Variants in POR observed in about 807,000 individuals in gnomAD.
POR encodes the protein cytochrome p450 oxidoreductase.
In POR, 56 loss-of-function variants were observed where a neutral mutation model predicts 84.0. The ratio of observed to expected loss-of-function variants is 0.67; its 90% CI spans 0.54 to 0.83. POR has a LOEUF of 0.83. Ranked by LOEUF, POR falls within the 40% of genes least tolerant of loss-of-function variation. The pLI is 0.00. For missense variants in POR, 938 were observed against 944.3 expected (o/e 0.99, Z 0.09); for synonymous variants, 414 against 400.5 (o/e 1.03, Z -0.40).
At chr7:75,925,822 C>G (rs1554549410) in intron 1 of POR, among the ~76,000 whole-genome samples, 1 of 152,098 alleles carries the variant, frequency 6.6e-6, no homozygotes, top group Admixed American at 6.6e-5. Flanking sequence ...GTTGTAAATT[C>G]TGTAAGGGCA....
In POR at chr7:75,954,973, G is replaced by A. The variant is rs797036861; in HGVS notation, c.188+793G>A. 3.3e-5 allele frequency among the ~76,000 whole-genome samples: 5 copies of A among 152,242 alleles called. 1 individual carries two copies. Among genetic ancestry groups the A allele is most frequent in the African/African-American group, 1.2e-4 (5 of 41,548 alleles). On this transcript the variant is annotated intron_variant, in intron 2 of 15. Coordinates refer to ENST00000461988, the MANE Select transcript of POR (RefSeq NM_000941.3). Reference sequence around the variant, plus strand: ...TCCGCCCACCTCGGCCTCCCAAAGTGCTGGGATTACAGGTGTGAGCCGTTG... The same window carrying A: ...TCCGCCCACCTCGGCCTCCCAAAGTACTGGGATTACAGGTGTGAGCCGTTG...
chr7:75,952,664 C>T (rs1199666628), intron 1 of POR, among the ~76,000 whole-genome samples: 4 of 149,306 alleles, frequency 2.7e-5, no homozygotes, highest in Non-Finnish European at 4.5e-5. Context: ...CGGGCAGAGG[C>T]GCTCCTCACA....
In POR at chr7:75,980,672, T is replaced by C. The variant is rs781803006; in HGVS notation, c.516+184T>C. The C allele has an allele frequency of 8.5e-6, 13 of 1,535,472 alleles. No homozygotes were observed. The East Asian group carries it at 2.7e-4, about 32-fold the overall frequency. On this transcript the variant is annotated intron_variant, in intron 5 of 15. Coordinates refer to ENST00000461988, the MANE Select transcript of POR (RefSeq NM_000941.3). ...CAGCACTACGAGAATGTCCCCTCCC[T>C]GTCCCCAGCCCCAGTCGGCTCCAGG...
At chr7:75,969,054 G>A (rs1788318491) in intron 2 of POR, among the ~76,000 whole-genome samples, 1 of 152,240 alleles carries the variant, frequency 6.6e-6, no homozygotes, top group African/African-American at 2.4e-5. Flanking sequence ...TCAGCCATAA[G>A]CGTCTGCTCC....
chr7:75,967,722 C>T (rs985403528), intron 2 of POR: 13 of 219,536 alleles, frequency 5.9e-5, no homozygotes, highest in African/African-American at 2.0e-4. Context: ...AGACCCGAGT[C>T]GGGGTTGGAA....
At chr7:75,970,451 C>T (rs1554555979) in intron 2 of POR, among the ~76,000 whole-genome samples, 4 of 151,758 alleles carry the variant, frequency 2.6e-5, no homozygotes, top group Non-Finnish European at 1.5e-5. Context: ...TTCAAGGGAT[C>T]CTCCCACCTC....
At chr7:75,923,068 G>A (rs782097372) in intron 1 of POR, 4 of 689,794 alleles carry the variant, frequency 5.8e-6, no homozygotes, top group East Asian at 2.5e-5. Flanking sequence ...GGTGCGGAGA[G>A]CCATTGCAAG....
At chr7:75,937,847 G>A (rs1807775741) in intron 1 of POR, among the ~76,000 whole-genome samples, 1 of 152,032 alleles carries the variant, frequency 6.6e-6, no homozygotes, top group Non-Finnish European at 1.5e-5. Context: ...GAACTCCTGT[G>A]GAGAGTTTTG....
Position 75,952,821 on chromosome 7 carries a change from G to A in POR, c.-4-1168G>A, listed in dbSNP as rs537111294. 3.7e-3 allele frequency among the ~76,000 whole-genome samples: 554 copies of A among 150,670 alleles called. 3 individuals carry two copies. Among genetic ancestry groups the A allele is most frequent in the African/African-American group, 0.013 (520 of 40,836 alleles). ...GATGGGATGGCGGCCGGGCAGAGAC[G>A]CTCCTCACTTTCCAGACTGGGCAGC... On this transcript the variant is annotated intron_variant, in intron 1 of 15. Coordinates refer to ENST00000461988, the MANE Select transcript of POR (RefSeq NM_000941.3).
At position 75,980,992 on chromosome 7, in the gene POR, C is replaced by T. The variant is rs990692929; in HGVS notation, c.517-56C>T. ...GGCCTCCCGCCCTGCCCCCATGGCC[C>T]CTCCCACTGGTCAGGTCGAGGGCCA... On this transcript the variant is annotated intron_variant, in intron 5 of 15. Coordinates refer to ENST00000461988, the MANE Select transcript of POR (RefSeq NM_000941.3). 9 of 1,499,300 alleles carry T rather than the reference C, an allele frequency of 6.0e-6. No homozygotes were observed. In the Admixed American group the frequency reaches 6.7e-5, roughly 11 times the overall value. The allele number at this position is 1,499,300 out of a possible 1,614,324, so 92.9% of individuals were successfully genotyped here.
intron 1 of POR, among the ~76,000 whole-genome samples, chr7:75,947,666 A>G (rs1787241633): frequency 6.6e-6 from 1 of 152,194 alleles, no homozygotes; most frequent in Non-Finnish European, 1.5e-5. Flanking sequence ...ACGTGTCATA[A>G]TGCATTCACC....
At chr7:75,924,738 A>G (rs1554549258) in intron 1 of POR, among the ~76,000 whole-genome samples, 1 of 152,118 alleles carries the variant, frequency 6.6e-6, no homozygotes, top group East Asian at 1.9e-4. Context: ...AAAATAGAAA[A>G]TTCCCCAAAT....
Position 75,986,467 on chromosome 7 carries a change from G to A in POR, c.2029G>A (p.Asp677Asn), listed in dbSNP as rs1554559519. ...GATGACCAAGGGCCGCTACTCCCTG[G>A]ACGTGTGGAGCTAGGGGCCTGCCTG... The change falls in exon 16 of 16, where the codon GAC (aspartate) becomes AAC (asparagine). Residue 677 changes from aspartate to asparagine, a missense_variant. By Grantham distance (23) the Asp-to-Asn change is conservative (BLOSUM62 1). Transcript: ENST00000461988. The A allele has an allele frequency of 6.2e-7, 1 of 1,610,396 alleles. No homozygotes were observed. The highest frequency in any genetic ancestry group is 1.1e-5 in the South Asian group (1 of 91,012).
At chr7:75,966,100 C>T (rs1275256935) in intron 2 of POR, among the ~76,000 whole-genome samples, 1 of 152,212 alleles carries the variant, frequency 6.6e-6, no homozygotes, top group African/African-American at 2.4e-5. Flanking sequence ...GCGCACTGCA[C>T]AGGGTGGTGA....
chr7:75,919,646 C>G (rs1806754169), intron 1 of POR, among the ~76,000 whole-genome samples: 1 of 152,136 alleles, frequency 6.6e-6, no homozygotes, highest in African/African-American at 2.4e-5. Context: ...CCTATCTCAG[C>G]CTCCCAAAAC....
Position 75,982,273 on chromosome 7 carries a change from G to T in POR, c.781G>T (p.Val261Leu), listed in dbSNP as rs1371752607. The T allele has an allele frequency of 6.2e-7, 1 of 1,613,010 alleles. No individual in the cohort carries two copies. Among genetic ancestry groups the T allele is most frequent in the South Asian group, 1.1e-5 (1 of 90,844 alleles). Residue 261 changes from valine to leucine, a missense_variant, in exon 8 of 16, where the codon GTG becomes TTG. Physicochemically the swap from Val to Leu is conservative, Grantham distance 32 (BLOSUM62 1). Coordinates refer to ENST00000461988, the MANE Select transcript of POR (RefSeq NM_000941.3). ...CCACACCGACATAGATGCGGCCAAG[G>T]TGTACATGGGGGAGATGGGCCGGCT...
chr7:75,949,600 A>C (rs1554552490), intron 1 of POR, among the ~76,000 whole-genome samples: 1 of 143,642 alleles, frequency 7.0e-6, no homozygotes, highest in Non-Finnish European at 1.5e-5. Context: ...GCTCACTGCA[A>C]CCTCCGCTTC....
intron 1 of POR, among the ~76,000 whole-genome samples, chr7:75,929,181 A>G (rs1807292818): frequency 6.6e-6 from 1 of 152,166 alleles, no homozygotes; most frequent in South Asian, 2.1e-4. Context: ...TAGTAACCCT[A>G]CTGCCCACAT....
Position 75,985,115 on chromosome 7 carries a change from G to T in POR, c.1306G>T (p.Asp436Tyr). ...GAGGCACATCCTGGCCATCCTGCAG[G>T]ACTGCCCGTCCCTGCGGCCCCCCAT... Residue 436 changes from aspartate (D) to tyrosine (Y), a missense_variant, in exon 12 of 16, where the codon GAC becomes TAC. Coordinates refer to ENST00000461988, the MANE Select transcript of POR (RefSeq NM_000941.3). 1 of 1,600,148 alleles carries T rather than the reference G, an allele frequency of 6.2e-7. No homozygotes were observed. The highest frequency in any genetic ancestry group is 8.5e-7 in the Non-Finnish European group (1 of 1,179,582).
Sources: allele counts gnomAD v4.1 joint callset (sites outside exome capture counted in the v4.1 genomes callset), GRCh38; gene constraint gnomAD v4.1.1; transcripts MANE v1.5; gene names NCBI Gene and HGNC (gene_info 2026-07-23, HGNC 2026-07-21).